ABCG1: variants seen among roughly 807,000 people sequenced by gnomAD.
The protein encoded by ABCG1 is ATP-binding cassette sub-family G member 1.
Under a neutral mutation model 69.2 loss-of-function variants are expected in ABCG1, and 29 were observed. The observed-to-expected ratio is 0.42, with a 90% CI of 0.31 to 0.57. ABCG1 has a LOEUF of 0.57. ABCG1 is among the 20% of genes least tolerant of loss of function. The probability of loss-of-function intolerance (pLI) is 0.15; values close to 1 mark genes in which losing one functional copy is unlikely to be tolerated. For synonymous variants in ABCG1, 370 were observed against 374.8 expected, an observed-to-expected ratio of 0.99 and a Z score of 0.15; for missense variants, 718 against 898.1, an observed-to-expected ratio of 0.80 and a Z score of 2.56.
rs1172314966 is a variant in ABCG1 at position 42,219,654 on chromosome 21, G to A, written c.42+350G>A. On this transcript the variant is annotated intron_variant, in intron 1 of 14. Coordinates refer to ENST00000398449, the MANE Select transcript of ABCG1 (RefSeq NM_016818.3). The surrounding 1 kb of genome is among the most constrained non-coding windows in gnomAD (Gnocchi z 5.3). ...AGCTGGGGACCCGGAGCGCACTGGG[G>A]ACTGGGGAGGGGCCGCAGCTTGGGC... 2.0e-5 allele frequency among the ~76,000 whole-genome samples: 3 copies of A among 152,218 alleles called. No homozygotes were observed. Among genetic ancestry groups the A allele is most frequent in the East Asian group, 3.9e-4 (2 of 5,156 alleles).
chr21:42,268,397 G>A (rs185223322), intron 2 of ABCG1, among the ~76,000 whole-genome samples: 2,165 of 151,998 alleles, frequency 0.014, 35 homozygotes, highest in Non-Finnish European at 0.022. Flanking sequence ...GTGCGCGCGC[G>A]CGCTGGATAC....
intron 6 of ABCG1, among the ~76,000 whole-genome samples, chr21:42,283,618 G>A (rs1465879816): frequency 6.6e-6 from 1 of 151,756 alleles, no homozygotes; most frequent in Non-Finnish European, 1.5e-5. Flanking sequence ...TAGACCACCT[G>A]AGGCACAGCT....
At chr21:42,200,684 G>A (rs921150917) in intron 1 of ABCG1, among the ~76,000 whole-genome samples, 2 of 150,640 alleles carry the variant, frequency 1.3e-5, no homozygotes, top group African/African-American at 4.9e-5. Context: ...TGCTTCCTGG[G>A]TTCAAGTGAT....
upstream of ABCG1, among the ~76,000 whole-genome samples, chr21:42,212,075 C>T (rs146368948): frequency 2.6e-5 from 4 of 152,310 alleles, no homozygotes; most frequent in East Asian, 7.7e-4. Flanking sequence ...GAGGAACAGG[C>T]CTCCAGACAC....
At chr21:42,281,913 C>T (rs3788005) in intron 5 of ABCG1, among the ~76,000 whole-genome samples, 29,840 of 152,234 alleles carry the variant, frequency 0.2, 3,018 homozygotes, top group South Asian at 0.3. Flanking sequence ...ACACCTTCTC[C>T]GTATGGGGCA....
Position 42,219,219 on chromosome 21 carries a change from G to T in ABCG1, c.-44G>T, listed in dbSNP as rs1268271442. The T allele has an allele frequency of 2.7e-6, 4 of 1,479,594 alleles. No individual in the cohort carries two copies. Among genetic ancestry groups the T allele is most frequent in the African/African-American group, 1.5e-5 (1 of 66,836 alleles). The allele number at this position is 1,479,594 out of a possible 1,614,324, so 91.7% of individuals were successfully genotyped here. Reference sequence around the variant, plus strand: ...GCCTCGGCCCCGCAGCTCAAGCCTCGTCCCCGCCGCCGCCGCCGCCGCCGC... The same window carrying T: ...GCCTCGGCCCCGCAGCTCAAGCCTCTTCCCCGCCGCCGCCGCCGCCGCCGC... On this transcript the variant is annotated 5_prime_UTR_variant, in exon 1 of 15. Coordinates refer to ENST00000398449, the MANE Select transcript of ABCG1 (RefSeq NM_016818.3). This position sits in a 1 kb window ranked among gnomAD's most constrained non-coding sequence, Gnocchi z 5.3.
intron 2 of ABCG1, among the ~76,000 whole-genome samples, chr21:42,248,969 C>T (rs1181495657): frequency 6.6e-6 from 1 of 151,422 alleles, no homozygotes; most frequent in East Asian, 1.9e-4. Flanking sequence ...ATTATACAGC[C>T]CAGAAAAGAA....
In ABCG1 at chr21:42,267,940, G is replaced by T. The variant is rs962857755; in HGVS notation, c.287-3130G>T. On this transcript the variant is annotated intron_variant, in intron 2 of 14. Transcript: ENST00000398449. ...CTGGGTTCTGTCTGGGTGTGGTCTGGGTTCTGTCTAAGTTCTGGTCTGGCT... is the reference window on the plus strand; with the variant it reads ...CTGGGTTCTGTCTGGGTGTGGTCTGTGTTCTGTCTAAGTTCTGGTCTGGCT... Among the ~76,000 whole-genome samples the T allele has an allele frequency of 7.4e-5, 11 of 149,256 alleles. No individual in the cohort carries two copies. In the East Asian group the frequency reaches 2.1e-3, roughly 29 times the overall value.
rs201562993 is a variant in ABCG1, at chr21:42,243,435, C to CGT, written c.286+17529_286+17530dup. On this transcript the variant is annotated intron_variant, in intron 2 of 14. Coordinates refer to ENST00000398449, the MANE Select transcript of ABCG1 (RefSeq NM_016818.3). ...GTTTCACAGAACCATATTTTAATAC[C>CGT]GTGTGTGTGCGCGTGTGTGTGTGTG... Among the ~76,000 whole-genome samples the CGT allele has an allele frequency of 9.2e-5, 9 of 97,548 alleles. No homozygotes were observed. The East Asian group carries it at 1.3e-3, about 14-fold the overall frequency. The allele number at this position is 97,548 out of a possible 152,430, so 64.0% of individuals were successfully genotyped here. A position where few individuals can be genotyped will look rare whatever the true frequency, so the allele number is the denominator to read the frequency against.
At chr21:42,293,485 C>T (rs2069131512) in intron 13 of ABCG1, among the ~76,000 whole-genome samples, 1 of 146,356 alleles carries the variant, frequency 6.8e-6, no homozygotes, top group African/African-American at 2.6e-5. Context: ...CACCACACCA[C>T]ACACTACACA....
Position 42,291,049 on chromosome 21 carries a change from C to T in ABCG1, c.1394-43C>T. ...GTTGGGATGTTAAACGGGCTCGCTG[C>T]ACATGGTCACTGACCCTTCTTTTTT... On this transcript the variant is annotated intron_variant, in intron 11 of 14. Transcript: ENST00000398449. This position sits in a 1 kb window ranked among gnomAD's most constrained non-coding sequence, Gnocchi z 6.4. 2.0e-6 allele frequency: 3 copies of T among 1,488,444 alleles called. No individual in the cohort carries two copies. In the African/African-American group the frequency reaches 4.1e-5, roughly 21 times the overall value. The allele number at this position is 1,488,444 out of a possible 1,614,324, so 92.2% of individuals were successfully genotyped here. A position where few individuals can be genotyped will look rare whatever the true frequency, so the allele number is the denominator to read the frequency against.
At chr21:42,224,779 C>G (rs894483525) in intron 1 of ABCG1, among the ~76,000 whole-genome samples, 1 of 152,128 alleles carries the variant, frequency 6.6e-6, no homozygotes, top group African/African-American at 2.4e-5. Flanking sequence ...TTGATTTGCT[C>G]ACGGTTGCCA....
Position 42,296,136 on chromosome 21 carries a change from C to T in ABCG1, c.1773-28C>T. 5.0e-6 allele frequency: 8 copies of T among 1,592,114 alleles called. No homozygotes were observed. The highest frequency in any genetic ancestry group is 6.9e-6 in the Non-Finnish European group (8 of 1,160,302). ...CGGCGTGGCTGGCTGGGAGAACGTC[C>T]TCCCTCATGCCTGGCCTTTCCTCCT... On this transcript the variant is annotated intron_variant, in intron 14 of 14. Transcript: ENST00000398449. This position sits in a 1 kb window ranked among gnomAD's most constrained non-coding sequence, Gnocchi z 5.4.
intron 2 of ABCG1, among the ~76,000 whole-genome samples, chr21:42,234,940 G>A (rs933078812): frequency 6.6e-6 from 1 of 152,038 alleles, no homozygotes; most frequent in African/African-American, 2.4e-5. Flanking sequence ...GCGGCGGCGC[G>A]GGGAGCGGCG....
At chr21:42,249,204 C>G (rs2068181836) in intron 2 of ABCG1, among the ~76,000 whole-genome samples, 1 of 152,114 alleles carries the variant, frequency 6.6e-6, no homozygotes, top group Non-Finnish European at 1.5e-5. Context: ...CTGGTGAAGG[C>G]AGGGGACTGG....
intron 2 of ABCG1, among the ~76,000 whole-genome samples, chr21:42,246,523 G>A (rs2068136203): frequency 6.6e-6 from 1 of 152,206 alleles, no homozygotes; most frequent in South Asian, 2.1e-4. Flanking sequence ...ATCATTTCAT[G>A]AGCTTTTAAG....
intron 2 of ABCG1, among the ~76,000 whole-genome samples, chr21:42,202,545 C>A (rs1346299684): frequency 1.3e-5 from 2 of 151,494 alleles, no homozygotes; most frequent in African/African-American, 4.9e-5. Context: ...ATCCCTCTCT[C>A]GGCAGCTCCC....
chr21:42,241,368 G>T (rs894222860), intron 2 of ABCG1, among the ~76,000 whole-genome samples: 1 of 152,182 alleles, frequency 6.6e-6, no homozygotes, highest in African/African-American at 2.4e-5. Flanking sequence ...ACTTTGGGAG[G>T]CTGAGGCGGG....
At chr21:42,280,439 G>A (rs1326833185) in intron 5 of ABCG1, among the ~76,000 whole-genome samples, 1 of 152,228 alleles carries the variant, frequency 6.6e-6, no homozygotes, top group African/African-American at 2.4e-5. Flanking sequence ...GGGGCAGCCT[G>A]GGCTGCCGAG....
Sources: gnomAD v4.1 joint callset for allele counts (sites outside exome capture counted in the v4.1 genomes callset) on GRCh38, gnomAD v4.1.1 for gene constraint, Gnocchi (gnomAD v3.1) non-coding constraint, MANE v1.5 for transcripts, NCBI Gene and HGNC (gene_info 2026-07-23, HGNC 2026-07-21) for gene names.